Variants in OTOP2 observed in about 807,000 individuals in gnomAD.
OTOP2 encodes the protein proton channel OTOP2.
A neutral mutation model predicts 47.4 loss-of-function variants in OTOP2; 41 were observed. The ratio of observed to expected loss-of-function variants is 0.87; its 90% confidence interval spans 0.67 to 1.12. OTOP2 has a LOEUF of 1.12. Ranked by LOEUF, OTOP2 falls within the 50% of genes most tolerant of loss-of-function variation. OTOP2 has a pLI of 0.00. For missense variants in OTOP2, 721 were observed against 752.2 expected, an observed-to-expected ratio of 0.96 and a Z score of 0.49; for synonymous variants, 328 against 319.6, an observed-to-expected ratio of 1.03 and a Z score of -0.28.
At position 74,926,240 on chromosome 17, in the gene OTOP2, A is replaced by C. The variant is rs562666498; in HGVS notation, c.450+548A>C. On this transcript the variant is annotated intron_variant, in intron 3 of 6. Transcript: ENST00000331427. Reference sequence around the variant, plus strand: ...AGCCCTCTATCATGACCAAAATGGCACCATGGATGATGCCCTCCCCAGAAA... The same window carrying C: ...AGCCCTCTATCATGACCAAAATGGCCCCATGGATGATGCCCTCCCCAGAAA... Among the ~76,000 whole-genome samples, 11 of 152,292 alleles carry C rather than the reference A, an allele frequency of 7.2e-5. No homozygotes were observed. The East Asian group carries it at 2.1e-3, about 29-fold the overall frequency.
intron 6 of OTOP2, among the ~76,000 whole-genome samples, chr17:74,931,953 CAAA>C (rs5822060): frequency 1.1e-4 from 9 of 84,040 alleles, no homozygotes; most frequent in Non-Finnish European, 8.9e-5. Context: ...GACACTCTGT[CAAA>C]AAAAAAAAAA....
At position 74,930,595 on chromosome 17, in the gene OTOP2, C is replaced by T. The variant is rs1411163034; in HGVS notation, c.960C>T (p.Arg320=). Residue 320 remains arginine, a synonymous_variant, in exon 6 of 7, where the codon CGC becomes CGT. Coordinates refer to ENST00000331427, the MANE Select transcript of OTOP2 (RefSeq NM_178160.3). This position sits in a 1 kb window ranked among gnomAD's most constrained non-coding sequence, Gnocchi z 4.0. The part of the protein sequence containing the change: ...YEVQVSGDGS[R]TRQALVIYYS... ...TTCAAGTGAGCGGGGACGGGAGCCG[C>T]ACCAGGCAGGCCCTGGTCATCTACT... The T allele has an allele frequency of 6.2e-7, 1 of 1,614,036 alleles. No homozygotes were observed. Among genetic ancestry groups the T allele is most frequent in the South Asian group, 1.1e-5 (1 of 91,078 alleles).
chr17:74,930,451 C>G lies in OTOP2; in HGVS notation c.816C>G (p.Thr272=). The G allele has an allele frequency of 1.2e-6, 2 of 1,614,208 alleles. No homozygotes were observed. The highest frequency in any genetic ancestry group is 2.2e-5 in the South Asian group (2 of 91,082). The stretch of plus-strand genomic sequence containing the variant: ...ATGTGGGTAGATTCCTGGCCTCCAC[C>G]CCTGGCCACAGCCACACCCCAACCC... The part of the protein sequence containing the change: ...WKNVGRFLAS[T]PGHSHTPTPV... The change falls in exon 6 of 7, where the codon ACC becomes ACG. Residue 272 remains threonine (T), a synonymous_variant. Coordinates refer to ENST00000331427, the MANE Select transcript of OTOP2 (RefSeq NM_178160.3). The surrounding 1 kb of genome is among the most constrained non-coding windows in gnomAD (Gnocchi z 4.0).
chr17:74,933,549 C>T lies in OTOP2; in HGVS notation c.*4C>T. 1 of 1,584,328 alleles carries T rather than the reference C, an allele frequency of 6.3e-7. No individual in the cohort carries two copies. The highest frequency in any genetic ancestry group is 8.6e-7 in the Non-Finnish European group (1 of 1,157,818). ...GGAGGTCTACGTGCTGTCCTGAGGCCTCCAACAGAGGCATGGGGGGCAGGA... is the reference window on the plus strand; with the variant it reads ...GGAGGTCTACGTGCTGTCCTGAGGCTTCCAACAGAGGCATGGGGGGCAGGA... On this transcript the variant is annotated 3_prime_UTR_variant, in exon 7 of 7. Transcript: ENST00000331427. This position sits in a 1 kb window ranked among gnomAD's most constrained non-coding sequence, Gnocchi z 4.7.
rs746225637 is a variant in OTOP2, at chr17:74,930,389, C to T, written c.754C>T (p.Leu252Phe). 14 of 1,614,060 alleles carry T rather than the reference C, an allele frequency of 8.7e-6. No individual in the cohort carries two copies. In the Admixed American group the frequency reaches 2.2e-4, roughly 25 times the overall value. ...YLYPFNIEYS[L>F]FASTMLYVMW... ...ATATCCCTTCAACATCGAGTACAGCCTCTTCGCCTCCACCATGCTGTATGT... is the reference window on the plus strand; with the variant it reads ...ATATCCCTTCAACATCGAGTACAGCTTCTTCGCCTCCACCATGCTGTATGT... Residue 252 changes from leucine (L) to phenylalanine (F), a missense_variant, in exon 6 of 7, where the codon CTC (leucine) becomes TTC (phenylalanine). By Grantham distance (22) the Leu-to-Phe change is conservative (BLOSUM62 0). Transcript: ENST00000331427. This position sits in a 1 kb window ranked among gnomAD's most constrained non-coding sequence, Gnocchi z 4.0.
rs756528690 is a variant in OTOP2 at position 74,927,263 on chromosome 17, T to C, written c.491T>C (p.Val164Ala). 28 of 1,613,360 alleles carry C rather than the reference T, an allele frequency of 1.7e-5. No individual in the cohort carries two copies. The highest frequency in any genetic ancestry group is 1.9e-5 in the Non-Finnish European group (23 of 1,179,528). The part of the protein sequence containing the change: ...LWVSAKDCVH[V>A]HLDLTWCGLM... ...GTCTCTGCTAAAGACTGCGTTCACG[T>C]CCACCTGGATCTGACCTGGTGAGAA... The change falls in exon 4 of 7, where the codon GTC (valine) becomes GCC (alanine). Residue 164 changes from valine (V) to alanine (A), a missense_variant. Transcript: ENST00000331427.
chr17:74,927,624 G>A (rs1278472708), intron 4 of OTOP2, 41 bp from the exon 5 acceptor site: 3 of 1,589,318 alleles, frequency 1.9e-6, no homozygotes, highest in Non-Finnish European at 2.6e-6. Flanking sequence ...ACCTGCCAAA[G>A]GGTCACAGGC....
In OTOP2 at chr17:74,924,878, C is replaced by T. The variant is rs776035420; in HGVS notation, c.246C>T (p.Leu82=). The stretch of plus-strand genomic sequence containing the variant: ...CGCTCTGGATCCTCTTCTACCTCCT[C>T]CGAACCGTGCGCTGCCCCTGCGCGG... ...LATLWILFYL[L]RTVRCPCAVP... The change falls in exon 2 of 7, where the codon CTC becomes CTT. Residue 82 remains leucine, a synonymous_variant. Transcript: ENST00000331427. This position sits in a 1 kb window ranked among gnomAD's most constrained non-coding sequence, Gnocchi z 7.7. The T allele has an allele frequency of 9.4e-6, 15 of 1,601,260 alleles. No individual in the cohort carries two copies. The East Asian group carries it at 1.8e-4, about 19-fold the overall frequency.
chr17:74,927,358 G>A lies in OTOP2; in HGVS notation c.509+77G>A, dbSNP rs2039017272. On this transcript the variant is annotated intron_variant, in intron 4 of 6. Transcript: ENST00000331427. ...AGGAGAGATTCAGGCTTTCCACCCTGGGGCAGGGCCTCTCTTTATGTCCCC... is the reference window on the plus strand; with the variant it reads ...AGGAGAGATTCAGGCTTTCCACCCTAGGGCAGGGCCTCTCTTTATGTCCCC... 2.7e-6 allele frequency: 4 copies of A among 1,495,846 alleles called. No individual in the cohort carries two copies. In the African/African-American group the frequency reaches 4.2e-5, roughly 16 times the overall value. The allele number at this position is 1,495,846 out of a possible 1,614,324, so 92.7% of individuals were successfully genotyped here.
chr17:74,931,584 G>A (rs114518314), intron 6 of OTOP2, among the ~76,000 whole-genome samples: 9 of 152,192 alleles, frequency 5.9e-5, no homozygotes, highest in Non-Finnish European at 8.8e-5. Flanking sequence ...AGTGTGAGCG[G>A]TCTGTTAGCA....
intron 6 of OTOP2, among the ~76,000 whole-genome samples, chr17:74,932,697 C>A (rs1425909581): frequency 6.6e-6 from 1 of 152,232 alleles, no homozygotes; most frequent in Non-Finnish European, 1.5e-5. Context: ...CCATCTCCTT[C>A]ATTTTATAGG....
chr17:74,924,383 G>A lies in OTOP2; in HGVS notation c.-34+50G>A. 2.0e-6 allele frequency: 1 copy of A among 500,636 alleles called. No individual in the cohort carries two copies. The highest frequency in any genetic ancestry group is 3.5e-6 in the Non-Finnish European group (1 of 287,122). The allele number at this position is 500,636 out of a possible 1,614,324, so 31.0% of individuals were successfully genotyped here. A position where few individuals can be genotyped will look rare whatever the true frequency, so the allele number is the denominator to read the frequency against. ...GTCGGACTTGGGGAGTGGGGACCTTGGAGGGGTCCAACCGGGTGCTGCCGC... is the reference window on the plus strand; with the variant it reads ...GTCGGACTTGGGGAGTGGGGACCTTAGAGGGGTCCAACCGGGTGCTGCCGC... On this transcript the variant is annotated intron_variant, in intron 1 of 6. Coordinates refer to ENST00000331427, the MANE Select transcript of OTOP2 (RefSeq NM_178160.3). This position sits in a 1 kb window ranked among gnomAD's most constrained non-coding sequence, Gnocchi z 7.7.
At position 74,927,716 on chromosome 17, in the gene OTOP2, C is replaced by T. The variant is rs770875527; in HGVS notation, c.561C>T (p.Ala187=). The change falls in exon 5 of 7, where the codon GCC becomes GCT. Residue 187 remains alanine, a synonymous_variant. Coordinates refer to ENST00000331427, the MANE Select transcript of OTOP2 (RefSeq NM_178160.3). ...CCAACCTGGCCATCTGGATGGCGGC[C>T]GTGGTGGATGAATCTGTGCACCAAT... is the stretch of plus-strand genomic sequence containing the variant. The part of the protein sequence containing the change: ...LTTNLAIWMA[A]VVDESVHQSH... The T allele has an allele frequency of 5.0e-6, 8 of 1,614,048 alleles. No individual in the cohort carries two copies. In the Middle Eastern group the frequency reaches 6.6e-4, roughly 133 times the overall value.
intron 6 of OTOP2, among the ~76,000 whole-genome samples, chr17:74,932,184 C>G (rs968148506): frequency 2.6e-5 from 4 of 152,208 alleles, no homozygotes; most frequent in East Asian, 3.9e-4. Context: ...AAAAACAATT[C>G]TAATGAAGTT....
At chr17:74,927,643 C>T in intron 4 of OTOP2, 22 bp from the exon 5 acceptor site, 1 of 1,603,956 alleles carries the variant, frequency 6.2e-7, no homozygotes, top group Non-Finnish European at 8.5e-7. Context: ...GCCTCTTTGT[C>T]CCCACCCCTG....
In OTOP2 at chr17:74,928,422, G is replaced by C. The variant is rs537414569; in HGVS notation, c.643+624G>C. Among the ~76,000 whole-genome samples, 4 of 152,196 alleles carry C rather than the reference G, an allele frequency of 2.6e-5. No individual in the cohort carries two copies. The South Asian group carries it at 8.3e-4, about 32-fold the overall frequency. On this transcript the variant is annotated intron_variant, in intron 5 of 6. Transcript: ENST00000331427. ...AGTGATCAAGCTGGGAAAAGGAGAA[G>C]GGAGGCAGAGTGGTTCTGTGGTGCA... is the stretch of plus-strand genomic sequence containing the variant.
rs1318415460 is a variant in OTOP2, at chr17:74,924,709, A to G, written c.77A>G (p.Lys26Arg). ...PRAGPREVWKKGGRLLSVLLA... is the reference protein window; with the variant it reads ...PRAGPREVWKRGGRLLSVLLA... Reference sequence around the variant, plus strand: ...GCGGGCCCCAGGGAGGTGTGGAAGAAGGGTGGCCGCCTGCTGTCGGTGCTG... The same window carrying G: ...GCGGGCCCCAGGGAGGTGTGGAAGAGGGGTGGCCGCCTGCTGTCGGTGCTG... The change falls in exon 2 of 7, where the codon AAG becomes AGG. Residue 26 changes from lysine to arginine, a missense_variant. Lys to Arg is a conservative substitution (Grantham distance 26). Coordinates refer to ENST00000331427, the MANE Select transcript of OTOP2 (RefSeq NM_178160.3). The surrounding 1 kb of genome is among the most constrained non-coding windows in gnomAD (Gnocchi z 7.7). 3.1e-6 allele frequency: 5 copies of G among 1,605,476 alleles called. No homozygotes were observed. Among genetic ancestry groups the G allele is most frequent in the Non-Finnish European group, 4.2e-6 (5 of 1,177,006 alleles).
Position 74,924,709 on chromosome 17 carries a change from AG to A in OTOP2, c.80del (p.Gly27ValfsTer11). 6.2e-7 allele frequency: 1 copy of A among 1,605,594 alleles called. No individual in the cohort carries two copies. The highest frequency in any genetic ancestry group is 8.5e-7 in the Non-Finnish European group (1 of 1,176,998). On this transcript the variant is annotated frameshift_variant, in exon 2 of 7. Coordinates refer to ENST00000331427, the MANE Select transcript of OTOP2 (RefSeq NM_178160.3). LOFTEE classifies it high-confidence loss of function. This position sits in a 1 kb window ranked among gnomAD's most constrained non-coding sequence, Gnocchi z 7.7. ...PRAGPREVWK[K>X]GGRLLSVLLA... ...GCGGGCCCCAGGGAGGTGTGGAAGA[AG>A]GGTGGCCGCCTGCTGTCGGTGCTGC...
At chr17:74,927,893 G>C (rs920257285) in intron 5 of OTOP2, 95 bp downstream of exon 5, 1 of 1,462,158 alleles carries the variant, frequency 6.8e-7, no homozygotes, top group African/African-American at 1.4e-5. Flanking sequence ...CCTCATGAGG[G>C]CATAGAGGCA....
Sources: allele counts gnomAD v4.1 joint callset (sites outside exome capture counted in the v4.1 genomes callset), GRCh38; gene constraint gnomAD v4.1.1; non-coding constraint Gnocchi (gnomAD v3.1); transcripts MANE v1.5; gene names NCBI Gene and HGNC (gene_info 2026-07-23, HGNC 2026-07-21).